The following SERTAD2 variants were observed in gnomAD, a reference collection of about 807,000 sequenced individuals.
SERTAD2 encodes SERTA domain-containing protein 2.
In SERTAD2, 2 loss-of-function variants were observed where a neutral mutation model predicts 15.4. That is an observed-to-expected ratio of 0.13 (90% confidence interval 0.05 to 0.41). The LOEUF (loss-of-function observed/expected upper bound fraction) is 0.41. SERTAD2 is among the 10% of genes least tolerant of loss of function. SERTAD2 has a pLI of 0.99. For synonymous variants in SERTAD2, 180 were observed against 178.0 expected, an observed-to-expected ratio of 1.01 and a Z score of -0.09; for missense variants, 333 against 409.7, an observed-to-expected ratio of 0.81 and a Z score of 1.62.
At chr2:64,645,223 C>T (rs1465545750) in intron 1 of SERTAD2, among the ~76,000 whole-genome samples, 2 of 152,224 alleles carry the variant, frequency 1.3e-5, no homozygotes, top group East Asian at 1.9e-4. Context: ...AACCCGATAC[C>T]ACTGTTTGCT....
intron 1 of SERTAD2, among the ~76,000 whole-genome samples, chr2:64,648,354 T>C (rs1185492272): frequency 1.3e-5 from 2 of 152,130 alleles, no homozygotes; most frequent in African/African-American, 2.4e-5. Context: ...CAGACAATAA[T>C]TGTAGAAAGA....
At chr2:64,652,296 A>C (rs1384535715) in intron 1 of SERTAD2, among the ~76,000 whole-genome samples, 1 of 152,176 alleles carries the variant, frequency 6.6e-6, no homozygotes. Context: ...GGGAGCTGCC[A>C]GGGTGAGACA....
Position 64,635,983 on chromosome 2 carries a change from A to G in SERTAD2, c.889T>C (p.Phe297Leu). The G allele has an allele frequency of 1.9e-6, 3 of 1,614,026 alleles. No individual in the cohort carries two copies. Among genetic ancestry groups the G allele is most frequent in the Non-Finnish European group, 2.5e-6 (3 of 1,179,986 alleles). Residue 297 changes from phenylalanine to leucine, a missense_variant, in exon 2 of 2, where the codon TTC (phenylalanine) becomes CTC (leucine). Physicochemically the swap from Phe to Leu is conservative, Grantham distance 22. Coordinates refer to ENST00000313349, the MANE Select transcript of SERTAD2 (RefSeq NM_014755.3). ...SSQPVTPSQP[F>L]KMDLTELDHI... is the part of the protein sequence containing the mutation. Reference sequence around the variant, plus strand: ...TCCAGCTCTGTGAGGTCCATTTTGAAAGGCTGACTTGGGGTGACAGGCTGA... The same window carrying G: ...TCCAGCTCTGTGAGGTCCATTTTGAGAGGCTGACTTGGGGTGACAGGCTGA...
chr2:64,640,790 C>T lies in SERTAD2; in HGVS notation c.-4-3915G>A, dbSNP rs139017749. On this transcript the variant is annotated intron_variant, in intron 1 of 1. Coordinates refer to ENST00000313349, the MANE Select transcript of SERTAD2 (RefSeq NM_014755.3). ...AACCCATGTCTTCTACCCAATTTTT[C>T]TAAAGACCCAAAGTGCCCCTGAGCT... Among the ~76,000 whole-genome samples the T allele has an allele frequency of 6.9e-3, 1,047 of 152,274 alleles. 13 individuals carry two copies. The highest frequency in any genetic ancestry group is 0.022 in the African/African-American group (926 of 41,552).
chr2:64,642,441 G>A (rs1251050388), intron 1 of SERTAD2, among the ~76,000 whole-genome samples: 1 of 151,910 alleles, frequency 6.6e-6, no homozygotes, highest in Admixed American at 6.6e-5. Context: ...TTTTGAAGAT[G>A]AATCAGAAAA....
Position 64,632,873 on chromosome 2 carries a change from C to T in SERTAD2, c.*3054G>A, listed in dbSNP as rs944700871. 3.7e-5 allele frequency: 4 copies of T among 107,586 alleles called. No individual in the cohort carries two copies. Among genetic ancestry groups the T allele is most frequent in the Admixed American group, 3.2e-4 (3 of 9,356 alleles). 6.7% of individuals were successfully genotyped at this position (107,586 alleles called of 1,614,324 possible). ...TTACACAGAAAAAAGGAATAAATAACTTATGGGGGGAAAAAAACTCACTTC... is the reference window on the plus strand; with the variant it reads ...TTACACAGAAAAAAGGAATAAATAATTTATGGGGGGAAAAAAACTCACTTC... On this transcript the variant is annotated 3_prime_UTR_variant, in exon 2 of 2. Transcript: ENST00000313349.
At chr2:64,644,263 TCTGAGCCGAAAAGAGG>T (rs1363354629) in intron 1 of SERTAD2, among the ~76,000 whole-genome samples, 1 of 152,220 alleles carries the variant, frequency 6.6e-6, no homozygotes, top group African/African-American at 2.4e-5. Flanking sequence ...GTGGCAGACT[TCTGAGCCGAAAAGAGG>T]CTCAAAGTAG....
intron 1 of SERTAD2, among the ~76,000 whole-genome samples, chr2:64,652,764 T>C (rs922123248): frequency 2.6e-5 from 4 of 152,092 alleles, no homozygotes; most frequent in African/African-American, 9.7e-5. Flanking sequence ...ATGCAAACTA[T>C]ACCTGATATT....
At chr2:64,645,596 C>A (rs1200442954) in intron 1 of SERTAD2, among the ~76,000 whole-genome samples, 1 of 152,176 alleles carries the variant, frequency 6.6e-6, no homozygotes, top group South Asian at 2.1e-4. Context: ...AACTTTTCTC[C>A]TAGTAAAATA....
intron 1 of SERTAD2, among the ~76,000 whole-genome samples, chr2:64,651,854 T>C (rs531308189): frequency 6.6e-6 from 1 of 152,288 alleles, no homozygotes; most frequent in East Asian, 1.9e-4. Context: ...GTCCTCTCCC[T>C]TACCTGTCTG....
At chr2:64,645,774 T>C (rs973560173) in intron 1 of SERTAD2, among the ~76,000 whole-genome samples, 1 of 152,222 alleles carries the variant, frequency 6.6e-6, no homozygotes, top group Non-Finnish European at 1.5e-5. Flanking sequence ...GTATAAAATG[T>C]TTCTTATATC....
intron 1 of SERTAD2, chr2:64,646,576 C>T (rs1674907289): frequency 6.6e-6 from 1 of 152,200 alleles, no homozygotes; most frequent in African/African-American, 2.4e-5. Flanking sequence ...GCAATTTCTA[C>T]CTACAGCTCT....
Position 64,642,437 on chromosome 2 carries a change from A to C in SERTAD2, c.-4-5562T>G, listed in dbSNP as rs1042654298. 1.3e-5 allele frequency among the ~76,000 whole-genome samples: 2 copies of C among 152,242 alleles called. 1 individual carries two copies. Among genetic ancestry groups the C allele is most frequent in the African/African-American group, 4.8e-5 (2 of 41,466 alleles). On this transcript the variant is annotated intron_variant, in intron 1 of 1. Coordinates refer to ENST00000313349, the MANE Select transcript of SERTAD2 (RefSeq NM_014755.3). ...AAAAAAATGCAAACAATTTTTTTGA[A>C]GATGAATCAGAAAAGGTTATCTTTA...
At chr2:64,649,378 A>G (rs1178941090) in intron 1 of SERTAD2, among the ~76,000 whole-genome samples, 1 of 152,224 alleles carries the variant, frequency 6.6e-6, no homozygotes, top group Non-Finnish European at 1.5e-5. Context: ...GTTTTTGACC[A>G]TGGTCTATTC....
chr2:64,641,577 G>C (rs551059922), intron 1 of SERTAD2, among the ~76,000 whole-genome samples: 3 of 152,068 alleles, frequency 2.0e-5, no homozygotes, highest in African/African-American at 7.2e-5. Context: ...CTGAATACAC[G>C]AACAGTAAGT....
At position 64,647,675 on chromosome 2, in the gene SERTAD2, TAAAAAA is replaced by T. The variant is rs34043900; in HGVS notation, c.-5+5939_-5+5944del. 4.7e-4 allele frequency among the ~76,000 whole-genome samples: 69 copies of T among 145,858 alleles called. 1 individual carries two copies. The highest frequency in any genetic ancestry group is 7.1e-3 in the Middle Eastern group (2 of 282). On this transcript the variant is annotated intron_variant, in intron 1 of 1. Coordinates refer to ENST00000313349, the MANE Select transcript of SERTAD2 (RefSeq NM_014755.3). ...AAAAGTATGTGACAGTTTTTGTGTT[TAAAAAA>T]AAAAAAAAAGACTCAAGATATATGT...
At chr2:64,642,307 A>C (rs1049144144) in intron 1 of SERTAD2, among the ~76,000 whole-genome samples, 2 of 152,194 alleles carry the variant, frequency 1.3e-5, no homozygotes, top group Non-Finnish European at 2.9e-5. Context: ...GGGGTCTTAA[A>C]GTGATGGCAG....
chr2:64,636,936 A>C, intron 1 of SERTAD2, 61 bp from the exon 2 acceptor site: 2 of 1,231,622 alleles, frequency 1.6e-6, no homozygotes, highest in Non-Finnish European at 2.3e-6. Flanking sequence ...CTCCCATAAA[A>C]AAAGAGACTG....
At chr2:64,645,580 A>C (rs935823325) in intron 1 of SERTAD2, among the ~76,000 whole-genome samples, 8 of 152,240 alleles carry the variant, frequency 5.3e-5, no homozygotes, top group Non-Finnish European at 7.3e-5. Context: ...AGGTTTGTCA[A>C]ATATAAACTT....
Sources: allele counts gnomAD v4.1 joint callset (sites outside exome capture counted in the v4.1 genomes callset), GRCh38; gene constraint gnomAD v4.1.1; transcripts MANE v1.5; gene names NCBI Gene and HGNC (gene_info 2026-07-23, HGNC 2026-07-21).